Variants in NBPF9 observed in about 807,000 individuals in gnomAD.
NBPF9 encodes the protein NBPF member 9, also known as NBPF family member NBPF9.
Under a neutral mutation model 97.8 loss-of-function variants are expected in NBPF9, and 91 were observed. That is an observed-to-expected ratio of 0.93 (90% CI 0.79 to 1.11). The LOEUF is 1.11. Ranked by LOEUF, NBPF9 falls within the 50% of genes least tolerant of loss-of-function variation. NBPF9 has a pLI of 0.00. For missense variants in NBPF9, 992 were observed against 939.5 expected, an observed-to-expected ratio of 1.06 and a Z score of -0.73; for synonymous variants, 334 against 359.5, an observed-to-expected ratio of 0.93 and a Z score of 0.80.
Position 149,099,766 on chromosome 1 carries a change from T to C in NBPF9, c.-605-1060A>G, listed in dbSNP as rs587759548. Among the ~76,000 whole-genome samples the C allele has an allele frequency of 2.3e-4, 35 of 152,070 alleles. No individual in the cohort carries two copies. In the South Asian group the frequency reaches 6.9e-3, roughly 30 times the overall value. ...TTGAGATGCCAAGGTGGGAGGATCA[T>C]TTGAGCCCAGGAGTTTGAAACCAGT... On this transcript the variant is annotated intron_variant, in intron 3 of 29. Coordinates refer to ENST00000584027, the Ensembl canonical transcript of NBPF9.
At chr1:149,081,879 T>C in intron 7 of NBPF9, 86 bp downstream of exon 7, 4 of 884,118 alleles carry the variant, frequency 4.5e-6, no homozygotes, top group South Asian at 4.4e-5. Flanking sequence ...GATGAAATTA[T>C]TTTTGATGGA....
At position 149,067,229 on chromosome 1, in the gene NBPF9, G is replaced by C. The variant is rs1159665242; in HGVS notation, c.1638-1540C>G. Among the ~76,000 whole-genome samples the C allele has an allele frequency of 4.6e-3, 614 of 132,472 alleles. 83 individuals carry two copies. The highest frequency in any genetic ancestry group is 9.5e-3 in the Admixed American group (128 of 13,532). The allele number at this position is 132,472 out of a possible 152,430, so 86.9% of individuals were successfully genotyped here. A position where few individuals can be genotyped will look rare whatever the true frequency, so the allele number is the denominator to read the frequency against. On this transcript the variant is annotated intron_variant, in intron 17 of 29. Coordinates refer to ENST00000584027, the Ensembl canonical transcript of NBPF9. ...GGCACAAACCCTACAAGCCAGAAGA[G>C]AGTGGGAGCAATATTCAACATTCTT... is the stretch of plus-strand genomic sequence containing the variant.
At position 149,085,888 on chromosome 1, in the gene NBPF9, C is replaced by T. The variant is rs12045332; in HGVS notation, c.-194-3458G>A. Among the ~76,000 whole-genome samples the T allele has an allele frequency of 4.6e-5, 7 of 151,922 alleles. No homozygotes were observed. The South Asian group carries it at 1.0e-3, about 23-fold the overall frequency. On this transcript the variant is annotated intron_variant, in intron 5 of 29. Transcript: ENST00000584027. ...AAGATAGAGGAAATTCCCTATGCCC[C>T]AAAGTTTCTTGTACCCCTTTGCAGT... is the stretch of plus-strand genomic sequence containing the variant.
exon 16 of NBPF9, chr1:149,070,982 C>T: frequency 1.9e-6 from 3 of 1,612,470 alleles, no homozygotes; most frequent in Non-Finnish European, 2.5e-6. Flanking sequence ...GAGGATGAGC[C>T]AATGAGAGTT....
At position 149,090,117 on chromosome 1, in the gene NBPF9, A is replaced by G. The variant is rs1454299939; in HGVS notation, c.-195+636T>C. 25 of 150,502 alleles carry G rather than the reference A, an allele frequency of 1.7e-4. No individual in the cohort carries two copies. In the South Asian group the frequency reaches 1.9e-3, roughly 12 times the overall value. 9.3% of individuals were successfully genotyped at this position (150,502 alleles called of 1,614,324 possible). ...AAATTCTTCACCACAACAATCTCCA[A>G]TGAATTGTGGGCACAGAAGGCAGAC... is the stretch of plus-strand genomic sequence containing the variant. On this transcript the variant is annotated intron_variant, in intron 5 of 29. Coordinates refer to ENST00000584027, the Ensembl canonical transcript of NBPF9.
chr1:149,076,044 C>T (rs1212462955), intron 11 of NBPF9, among the ~76,000 whole-genome samples, 180 bp from the exon 12 acceptor site: 2 of 152,102 alleles, frequency 1.3e-5, no homozygotes, highest in Non-Finnish European at 2.9e-5. Context: ...CTTAGCTATG[C>T]AGTCACCTTG....
Position 149,060,139 on chromosome 1 carries a change from A to C in NBPF9, c.2477-331T>G, listed in dbSNP as rs2078505372. ...TTCTAGGAGAAAAACTGCAATATTTAGCCCTGTCTCATCAAATACTCAGAT... is the reference window on the plus strand; with the variant it reads ...TTCTAGGAGAAAAACTGCAATATTTCGCCCTGTCTCATCAAATACTCAGAT... On this transcript the variant is annotated intron_variant, in intron 24 of 29. Coordinates refer to ENST00000584027, the Ensembl canonical transcript of NBPF9. 9.0e-6 allele frequency: 2 copies of C among 223,250 alleles called. 1 individual carries two copies. Among genetic ancestry groups the C allele is most frequent in the Non-Finnish European group, 1.6e-5 (2 of 122,032 alleles). 13.8% of individuals were successfully genotyped at this position (223,250 alleles called of 1,614,324 possible).
chr1:149,075,582 G>A (rs2079790516), intron 12 of NBPF9, 73 bp downstream of exon 12: 11 of 1,399,164 alleles, frequency 7.9e-6, no homozygotes, highest in African/African-American at 1.4e-5. Flanking sequence ...TTGATGGAGA[G>A]AGCACTTAGT....
intron 5 of NBPF9, among the ~76,000 whole-genome samples, chr1:149,087,004 C>T (rs1158533635): frequency 1.3e-4 from 19 of 151,956 alleles, no homozygotes; most frequent in Non-Finnish European, 2.8e-4. Flanking sequence ...AAGTATAAGA[C>T]TTCCAAGTGC....
rs587771732 is a variant in NBPF9, at chr1:149,062,160, G to C, written c.2184C>G (p.Gly728=). 8.3e-4 allele frequency: 783 copies of C among 938,938 alleles called. 11 individuals are homozygous for C. In the African/African-American group the frequency reaches 0.011, roughly 13 times the overall value. 58.2% of individuals were successfully genotyped at this position (938,938 alleles called of 1,614,324 possible). ...AGTAAACAGCACTGCTGTAGGGCTG[G>C]CCTAAGTCAGGCAGTTCAAGATAAC... The change falls in exon 22 of 30, where the codon GGC becomes GGG. Residue 728 remains glycine, a synonymous_variant. Coordinates refer to ENST00000584027, the Ensembl canonical transcript of NBPF9.
intron 26 of NBPF9, 51 bp downstream of exon 26, chr1:149,058,874 C>G (rs1306647423): frequency 4.5e-6 from 3 of 673,852 alleles, no homozygotes; most frequent in Non-Finnish European, 8.2e-6. Flanking sequence ...AATATCACCC[C>G]TATCTGGAAG....
chr1:149,084,080 C>T (rs2080763255), intron 5 of NBPF9, among the ~76,000 whole-genome samples: 3 of 151,226 alleles, frequency 2.0e-5, no homozygotes, highest in East Asian at 3.9e-4. Context: ...CATGTTCTCA[C>T]TCATGGGTGG....
Position 149,064,184 on chromosome 1 carries a change from T to G in NBPF9, c.1853+247A>C, listed in dbSNP as rs113227305. Among the ~76,000 whole-genome samples, 317 of 136,668 alleles carry G rather than the reference T, an allele frequency of 2.3e-3. 1 individual carries two copies. The highest frequency in any genetic ancestry group is 3.5e-3 in the African/African-American group (120 of 34,414). 89.7% of individuals were successfully genotyped at this position (136,668 alleles called of 152,430 possible). A position where few individuals can be genotyped will look rare whatever the true frequency, so the allele number is the denominator to read the frequency against. ...TGCATAAAATGTGCTCAAGTTTCCC[T>G]GCAGTTACCATGAGAATACAGCTTT... is the stretch of plus-strand genomic sequence containing the variant. On this transcript the variant is annotated intron_variant, in intron 19 of 29. Transcript: ENST00000584027.
At chr1:149,063,178 T>C (rs2078752325) in intron 20 of NBPF9, among the ~76,000 whole-genome samples, 1 of 142,764 alleles carries the variant, frequency 7.0e-6, no homozygotes. Flanking sequence ...GGTTATGCCA[T>C]ATTTTTCCAA....
chr1:149,055,907 A>G lies in NBPF9; in HGVS notation c.3093-8T>C, dbSNP rs782138086. 3.1e-6 allele frequency: 5 copies of G among 1,611,690 alleles called. No homozygotes were observed. The highest frequency in any genetic ancestry group is 4.2e-6 in the Non-Finnish European group (5 of 1,179,840). Reference sequence around the variant, plus strand: ...ATCAGCACGCCGTTGAGCCTGGAAAAGGAGACAAAACTAAAGAAGCAGCCA... The same window carrying G: ...ATCAGCACGCCGTTGAGCCTGGAAAGGGAGACAAAACTAAAGAAGCAGCCA... On this transcript the variant is annotated splice_region_variant and splice_polypyrimidine_tract_variant and intron_variant, in intron 29 of 29. Coordinates refer to ENST00000584027, the Ensembl canonical transcript of NBPF9.
intron 3 of NBPF9, among the ~76,000 whole-genome samples, chr1:149,099,839 G>A (rs587711104): frequency 4.0e-4 from 61 of 151,234 alleles, no homozygotes; most frequent in Middle Eastern, 3.4e-3. Context: ...AAAATTAGCC[G>A]GGCATAGTGG....
chr1:149,055,561 T>C, exon 30 of NBPF9: 8 of 1,564,080 alleles, frequency 5.1e-6, no homozygotes, highest in Non-Finnish European at 6.9e-6. Context: ...ATCCTATGTC[T>C]GGGCTTCCAA....
At chr1:149,087,268 GTA>G (rs200881375) in intron 5 of NBPF9, among the ~76,000 whole-genome samples, 31 of 145,894 alleles carry the variant, frequency 2.1e-4, no homozygotes, top group African/African-American at 4.3e-4. Context: ...GTGTGTGTCT[GTA>G]TATATATATA....
rs1229413416 is a variant in NBPF9, at chr1:149,101,649, C to T, written c.-723-270G>A. On this transcript the variant is annotated intron_variant, in intron 2 of 29. Transcript: ENST00000584027. ...ACTCAATCTCAATACCAGGAAAATGCAAAATGAAATCACACTGATACATTA... is the reference window on the plus strand; with the variant it reads ...ACTCAATCTCAATACCAGGAAAATGTAAAATGAAATCACACTGATACATTA... Among the ~76,000 whole-genome samples, 5 of 150,360 alleles carry T rather than the reference C, an allele frequency of 3.3e-5. No individual in the cohort carries two copies. The East Asian group carries it at 9.9e-4, about 30-fold the overall frequency.
Sources: gnomAD v4.1 joint callset for allele counts (sites outside exome capture counted in the v4.1 genomes callset) on GRCh38, gnomAD v4.1.1 for gene constraint, MANE v1.5 for transcripts, NCBI Gene and HGNC (gene_info 2026-07-23, HGNC 2026-07-21) for gene names.